Variants in SOX5 observed in about 807,000 individuals in gnomAD.
SOX5 encodes transcription factor SOX-5.
A neutral mutation model predicts 92.0 loss-of-function variants in SOX5; 9 were observed. The observed-to-expected ratio is 0.10, with a 90% CI of 0.06 to 0.17. The LOEUF (loss-of-function observed/expected upper bound fraction) is 0.17, where lower values mean the gene tolerates loss of function less well. Among genes scored for constraint, SOX5 ranks in the 10% least tolerant of loss-of-function variants. The probability of loss-of-function intolerance (pLI) is 1.00; values close to 1 mark genes in which losing one functional copy is unlikely to be tolerated. For synonymous variants in SOX5, 344 were observed against 336.3 expected (o/e 1.02, Z -0.25); for missense variants, 642 against 944.5 (o/e 0.68, Z 4.20).
At chr12:24,518,856 T>C (rs1485937675) in intron 1 of SOX5, among the ~76,000 whole-genome samples, 1 of 152,228 alleles carries the variant, frequency 6.6e-6, no homozygotes, top group Non-Finnish European at 1.5e-5. Context: ...ATTGTTTTAC[T>C]TCCTTAATAT....
In SOX5 at chr12:24,511,848, C is replaced by T. The variant is rs556930570; in HGVS notation, c.-251+50481G>A. Among the ~76,000 whole-genome samples the T allele has an allele frequency of 2.4e-4, 36 of 151,556 alleles. No individual in the cohort carries two copies. In the South Asian group the frequency reaches 7.3e-3, roughly 31 times the overall value. The stretch of plus-strand genomic sequence containing the variant: ...TGGCGGGTGCCTGTAGTCCCAGCTA[C>T]TCGGGAGGCTGAGGCAGGAGAATGG... On this transcript the variant is annotated intron_variant, in intron 1 of 4. Coordinates refer to the SOX5 transcript ENST00000446891.
intron 4 of SOX5, among the ~76,000 whole-genome samples, chr12:24,001,704 CTGTATTTG>C (rs1390404568): frequency 6.6e-6 from 1 of 152,086 alleles, no homozygotes; most frequent in Non-Finnish European, 1.5e-5. Flanking sequence ...TAATAATTAA[CTGTATTTG>C]TGTATTTGTG....
intron 3 of SOX5, among the ~76,000 whole-genome samples, chr12:23,830,133 G>C (rs185848096): frequency 1.3e-3 from 203 of 152,286 alleles, no homozygotes; most frequent in African/African-American, 4.6e-3. Flanking sequence ...TTTCGCTTCA[G>C]TGTTGAAAAA....
At chr12:24,218,940 A>G (rs1472108178) in intron 3 of SOX5, among the ~76,000 whole-genome samples, 2 of 152,110 alleles carry the variant, frequency 1.3e-5, no homozygotes, top group Non-Finnish European at 2.9e-5. Context: ...CTGTCTCTTT[A>G]TCAAGGCTTA....
intron 3 of SOX5, among the ~76,000 whole-genome samples, chr12:24,222,396 G>A (rs925236049): frequency 4.6e-5 from 7 of 151,972 alleles, no homozygotes; most frequent in African/African-American, 1.2e-4. Context: ...TTTTCTGCAC[G>A]GAGGTTTTGC....
At chr12:23,735,506 T>G (rs1289519088) in intron 5 of SOX5, among the ~76,000 whole-genome samples, 1 of 152,204 alleles carries the variant, frequency 6.6e-6, no homozygotes, top group Non-Finnish European at 1.5e-5. Context: ...TAGTCACCTT[T>G]AATGGCTCTT....
At chr12:23,767,338 G>T (rs988655945) in intron 3 of SOX5, among the ~76,000 whole-genome samples, 1 of 152,078 alleles carries the variant, frequency 6.6e-6, no homozygotes, top group South Asian at 2.1e-4. Flanking sequence ...AACTCCTGAG[G>T]TGTCAGCCAA....
intron 4 of SOX5, among the ~76,000 whole-genome samples, chr12:24,047,492 C>T (rs563930465): frequency 1.3e-5 from 2 of 152,246 alleles, no homozygotes; most frequent in East Asian, 3.9e-4. Context: ...GTACTGTAAG[C>T]ACAGTTTATG....
intron 1 of SOX5, among the ~76,000 whole-genome samples, chr12:24,454,995 A>G (rs1201755882): frequency 2.0e-5 from 3 of 152,218 alleles, no homozygotes; most frequent in Admixed American, 2.0e-4. Context: ...CTAAGGGGAT[A>G]CAGAGCCTCA....
At chr12:24,518,841 A>T (rs1950021739) in intron 1 of SOX5, among the ~76,000 whole-genome samples, 1 of 152,212 alleles carries the variant, frequency 6.6e-6, no homozygotes, top group Non-Finnish European at 1.5e-5. Context: ...TTTAAAAATC[A>T]TTAAATTGTT....
chr12:23,566,117 G>A (rs1225274606), intron 10 of SOX5, among the ~76,000 whole-genome samples: 2 of 152,122 alleles, frequency 1.3e-5, no homozygotes, highest in East Asian at 3.9e-4. Flanking sequence ...CGTCTTCATT[G>A]ATAATTCTAT....
chr12:24,085,958 A>C (rs1420851527), intron 4 of SOX5, among the ~76,000 whole-genome samples: 1 of 76,236 alleles, frequency 1.3e-5, no homozygotes, highest in South Asian at 5.5e-4. Flanking sequence ...GGATATGCTA[A>C]AAAAAAAAAA....
At chr12:23,786,944 T>A (rs746675045) in intron 3 of SOX5, among the ~76,000 whole-genome samples, 1 of 145,780 alleles carries the variant, frequency 6.9e-6, no homozygotes, top group Non-Finnish European at 1.5e-5. Flanking sequence ...AATGAAAAGT[T>A]TACTGTGATC....
chr12:23,889,708 G>A (rs372041133), intron 2 of SOX5, among the ~76,000 whole-genome samples: 20 of 152,112 alleles, frequency 1.3e-4, no homozygotes, highest in African/African-American at 4.8e-4. Flanking sequence ...AACTTTAAAA[G>A]ACAGTTTTTT....
chr12:24,171,520 G>A (rs190344548), intron 4 of SOX5, among the ~76,000 whole-genome samples: 1 of 152,236 alleles, frequency 6.6e-6, no homozygotes, highest in East Asian at 1.9e-4. Flanking sequence ...ACCATGCCTG[G>A]CCAGCCAACA....
intron 4 of SOX5, among the ~76,000 whole-genome samples, chr12:24,052,288 A>T (rs1382804614): frequency 6.6e-6 from 1 of 152,200 alleles, no homozygotes; most frequent in African/African-American, 2.4e-5. Flanking sequence ...TAAATGCAAA[A>T]TTTTCACCTG....
intron 6 of SOX5, among the ~76,000 whole-genome samples, chr12:23,720,528 T>A (rs1456613756): frequency 6.6e-6 from 1 of 152,130 alleles, no homozygotes; most frequent in African/African-American, 2.4e-5. Context: ...ATTTGGTTAG[T>A]TCACAAATCC....
At chr12:24,535,882 C>T (rs1721593620) in intron 1 of SOX5, among the ~76,000 whole-genome samples, 1 of 152,064 alleles carries the variant, frequency 6.6e-6, no homozygotes, top group African/African-American at 2.4e-5. Context: ...CTGACAATTG[C>T]TTCCCCCGCC....
intron 2 of SOX5, among the ~76,000 whole-genome samples, chr12:24,297,218 C>T (rs767368575): frequency 6.6e-6 from 1 of 152,168 alleles, no homozygotes; most frequent in Non-Finnish European, 1.5e-5. Context: ...GTGACTAATA[C>T]TCATTACCCA....
Sources: gnomAD v4.1 joint callset for allele counts (sites outside exome capture counted in the v4.1 genomes callset) on GRCh38, gnomAD v4.1.1 for gene constraint, MANE v1.5 for transcripts, NCBI Gene and HGNC (gene_info 2026-07-23, HGNC 2026-07-21) for gene names.